The following LUZP2 variants were observed in gnomAD, a reference collection of about 807,000 sequenced individuals.
The protein encoded by LUZP2 is leucine zipper protein 2.
In LUZP2, 52 loss-of-function variants were observed where a neutral mutation model predicts 51.6. That is an observed-to-expected ratio of 1.01 (90% CI 0.81 to 1.27). The LOEUF is 1.27. Ranked by LOEUF, LUZP2 falls within the 50% of genes most tolerant of loss-of-function variation. The probability of loss-of-function intolerance (pLI) is 0.00; values close to 1 mark genes in which losing one functional copy is unlikely to be tolerated. For synonymous variants in LUZP2, 154 were observed against 137.3 expected, an observed-to-expected ratio of 1.12 and a Z score of -0.85; for missense variants, 436 against 395.4, an observed-to-expected ratio of 1.10 and a Z score of -0.87.
intron 5 of LUZP2, among the ~76,000 whole-genome samples, chr11:24,796,771 C>G (rs1849559571): frequency 6.6e-6 from 1 of 152,048 alleles, no homozygotes; most frequent in Non-Finnish European, 1.5e-5. Context: ...GATTTAGATA[C>G]TACACAAGTT....
intron 5 of LUZP2, among the ~76,000 whole-genome samples, chr11:24,802,784 C>A (rs532877233): frequency 3.3e-5 from 5 of 151,970 alleles, no homozygotes; most frequent in East Asian, 3.9e-4. Flanking sequence ...AAAATTAATA[C>A]CCAGTATGAT....
At chr11:24,678,910 C>G (rs931297044) in intron 1 of LUZP2, among the ~76,000 whole-genome samples, 3 of 152,206 alleles carry the variant, frequency 2.0e-5, no homozygotes, top group African/African-American at 7.2e-5. Context: ...TATAGTGCTG[C>G]GTCCAGGCAT....
chr11:24,821,314 A>G (rs549184443), intron 5 of LUZP2, among the ~76,000 whole-genome samples: 5 of 152,244 alleles, frequency 3.3e-5, no homozygotes, highest in African/African-American at 7.2e-5. Flanking sequence ...TGCATATTCA[A>G]TTACTACTTG....
At chr11:24,966,449 CTATT>C (rs1446212375) in intron 7 of LUZP2, among the ~76,000 whole-genome samples, 3 of 150,158 alleles carry the variant, frequency 2.0e-5, no homozygotes, top group Non-Finnish European at 3.0e-5. Context: ...GGGTTTTTGT[CTATT>C]TAAGAAATAT....
intron 1 of LUZP2, among the ~76,000 whole-genome samples, chr11:24,526,353 A>G (rs913825682): frequency 3.3e-5 from 5 of 151,136 alleles, no homozygotes; most frequent in Admixed American, 1.3e-4. Flanking sequence ...AATTTTATTC[A>G]GTTGTGATTC....
intron 1 of LUZP2, among the ~76,000 whole-genome samples, chr11:24,691,640 A>G (rs1857069622): frequency 6.6e-6 from 1 of 152,030 alleles, no homozygotes; most frequent in African/African-American, 2.4e-5. Flanking sequence ...TTTTTATGAG[A>G]ACAATGTTAT....
rs1435549495 is a variant in LUZP2 at position 24,926,375 on chromosome 11, GTGTGTATATATATACGTGTGTA to G, written c.522+11839_522+11860del. Among the ~76,000 whole-genome samples the G allele has an allele frequency of 8.2e-3, 358 of 43,580 alleles. 31 individuals are homozygous for G. Among genetic ancestry groups the G allele is most frequent in the African/African-American group, 0.036 (332 of 9,334 alleles). 28.6% of individuals were successfully genotyped at this position (43,580 alleles called of 152,430 possible). A position where few individuals can be genotyped will look rare whatever the true frequency, so the allele number is the denominator to read the frequency against. On this transcript the variant is annotated intron_variant, in intron 7 of 11. Transcript: ENST00000336930. The stretch of plus-strand genomic sequence containing the variant: ...TATATACGTGTGTATATATATATAC[GTGTGTATATATATACGTGTGTA>G]TATATATATACGTGTGTATATATAT...
At chr11:24,566,814 A>G (rs1852245165) in intron 1 of LUZP2, among the ~76,000 whole-genome samples, 1 of 146,236 alleles carries the variant, frequency 6.8e-6, no homozygotes, top group Non-Finnish European at 1.5e-5. Context: ...ATTTATATAT[A>G]ACTTATATAT....
At chr11:25,043,145 G>A (rs1472985294) in intron 9 of LUZP2, among the ~76,000 whole-genome samples, 1 of 152,172 alleles carries the variant, frequency 6.6e-6, no homozygotes, top group East Asian at 1.9e-4. Context: ...TTTCAGAACT[G>A]GGAGAAAATA....
intron 5 of LUZP2, among the ~76,000 whole-genome samples, chr11:24,842,449 A>G (rs992037834): frequency 6.6e-6 from 1 of 151,996 alleles, no homozygotes; most frequent in East Asian, 1.9e-4. Flanking sequence ...TAGGTCAGTC[A>G]GGGAAAAAAA....
intron 5 of LUZP2, among the ~76,000 whole-genome samples, chr11:24,803,955 G>C (rs1160486496): frequency 7.2e-6 from 1 of 138,240 alleles, no homozygotes; most frequent in Non-Finnish European, 1.5e-5. Context: ...TTAGAATAAA[G>C]CAGTGAGACA....
chr11:24,605,927 G>GCCTTGA (rs1475221794), intron 1 of LUZP2, among the ~76,000 whole-genome samples: 6 of 151,626 alleles, frequency 4.0e-5, no homozygotes, highest in Non-Finnish European at 7.4e-5. Context: ...AAGTGTTTTA[G>GCCTTGA]ATTACATATT....
At position 24,555,043 on chromosome 11, in the gene LUZP2, T is replaced by C. The variant is rs7122790; in HGVS notation, c.62+57738T>C. Among the ~76,000 whole-genome samples the C allele has an allele frequency of 5.4e-3, 822 of 152,224 alleles. 6 individuals are homozygous for C. Among genetic ancestry groups the C allele is most frequent in the African/African-American group, 0.019 (783 of 41,530 alleles). Reference sequence around the variant, plus strand: ...TCCTACTTGCCTGGCCAAACTATCATTGATGCACTGTGTAGATCTGATTGC... The same window carrying C: ...TCCTACTTGCCTGGCCAAACTATCACTGATGCACTGTGTAGATCTGATTGC... On this transcript the variant is annotated intron_variant, in intron 1 of 11. Transcript: ENST00000336930.
At chr11:24,960,811 C>A (rs2133878803) in intron 7 of LUZP2, among the ~76,000 whole-genome samples, 1 of 152,120 alleles carries the variant, frequency 6.6e-6, no homozygotes, top group Non-Finnish European at 1.5e-5. Context: ...TTTGCTCTTG[C>A]TTTTCTAGTT....
chr11:24,975,857 A>G (rs1046003873), intron 7 of LUZP2, among the ~76,000 whole-genome samples: 3 of 152,006 alleles, frequency 2.0e-5, no homozygotes, highest in Non-Finnish European at 2.9e-5. Context: ...TTAAAACACA[A>G]CAACAAAAAT....
At chr11:25,038,367 AAGCT>A (rs1857930280) in intron 9 of LUZP2, among the ~76,000 whole-genome samples, 1 of 152,168 alleles carries the variant, frequency 6.6e-6, no homozygotes, top group East Asian at 1.9e-4. Context: ...AAATATCCTT[AAGCT>A]CATGGCCCAT....
intron 9 of LUZP2, among the ~76,000 whole-genome samples, chr11:25,042,219 A>T (rs1470651639): frequency 2.6e-5 from 4 of 151,506 alleles, no homozygotes; most frequent in Admixed American, 6.6e-5. Flanking sequence ...TATGCATGCT[A>T]TTTTTTTTAA....
chr11:24,769,092 G>T (rs1860302280), intron 5 of LUZP2, among the ~76,000 whole-genome samples: 1 of 152,298 alleles, frequency 6.6e-6, no homozygotes. Flanking sequence ...TGCAAACATG[G>T]ATGAACCTAG....
At chr11:24,633,956 G>GTATATATATATA (rs1448184219) in intron 1 of LUZP2, among the ~76,000 whole-genome samples, 45 of 114,678 alleles carry the variant, frequency 3.9e-4, no homozygotes, top group Middle Eastern at 4.6e-3. Flanking sequence ...GTGTGTGTGT[G>GTATATATATATA]TGTGTGTGTA....
Sources: gnomAD v4.1 joint callset for allele counts (sites outside exome capture counted in the v4.1 genomes callset) on GRCh38, gnomAD v4.1.1 for gene constraint, MANE v1.5 for transcripts, NCBI Gene and HGNC (gene_info 2026-07-23, HGNC 2026-07-21) for gene names.